The following KIF1A variants were observed in gnomAD, a reference collection of about 807,000 sequenced individuals.
KIF1A encodes the protein kinesin family member 1A.
In KIF1A, 46 loss-of-function variants were observed where a neutral mutation model predicts 227.3. The ratio of observed to expected loss-of-function variants is 0.20; its 90% confidence interval spans 0.16 to 0.26. The LOEUF is 0.26. Among genes scored for constraint, KIF1A ranks in the 10% least tolerant of loss-of-function variants. KIF1A has a pLI of 1.00. For missense variants in KIF1A, 1,683 were observed against 2,485.9 expected (o/e 0.68, Z 6.87); for synonymous variants, 1,022 against 1,012.8 (o/e 1.01, Z -0.17).
intron 14 of KIF1A, 30 bp from the exon 15 acceptor site, chr2:240,771,134 A>G (rs1338679629): frequency 1.5e-5 from 24 of 1,612,646 alleles, no homozygotes; most frequent in Middle Eastern, 1.6e-4. Flanking sequence ...GGCTTCATTC[A>G]CCGTCCCGCC....
chr2:240,731,914 G>A (rs1479232795), intron 38 of KIF1A, among the ~76,000 whole-genome samples: 19 of 119,174 alleles, frequency 1.6e-4, no homozygotes, highest in Admixed American at 5.6e-4. Context: ...GGGAGGAGGG[G>A]AGGAGGGGAG....
intron 6 of KIF1A, among the ~76,000 whole-genome samples, chr2:240,785,479 C>A (rs893000883): frequency 6.6e-6 from 1 of 152,200 alleles, no homozygotes. Context: ...CCCACACCCG[C>A]GGCTCTGGGA....
intron 38 of KIF1A, chr2:240,728,507 TAA>T: frequency 2.4e-6 from 2 of 830,560 alleles, no homozygotes; most frequent in African/African-American, 1.8e-5. Context: ...GCAGAAAACT[TAA>T]GAGTTCGGCA....
rs144345120 is a variant in KIF1A, at chr2:240,751,700, T to C, written c.2859-1153A>G. Among the ~76,000 whole-genome samples the C allele has an allele frequency of 4.5e-3, 687 of 152,226 alleles. 5 individuals carry two copies. The highest frequency in any genetic ancestry group is 0.015 in the African/African-American group (640 of 41,550). On this transcript the variant is annotated intron_variant, in intron 27 of 48. Transcript: ENST00000498729. Reference sequence around the variant, plus strand: ...CAGTCAGACACATCCCCCCATGCCCTTGGTGACACTCAAGCTCCTTGCAGG... The same window carrying C: ...CAGTCAGACACATCCCCCCATGCCCCTGGTGACACTCAAGCTCCTTGCAGG...
At chr2:240,807,390 G>A (rs753443855) in intron 1 of KIF1A, among the ~76,000 whole-genome samples, 3 of 151,988 alleles carry the variant, frequency 2.0e-5, no homozygotes, top group Non-Finnish European at 4.4e-5. Flanking sequence ...TGATCTGCCC[G>A]CGCTGGCCTC....
intron 27 of KIF1A, among the ~76,000 whole-genome samples, chr2:240,756,718 A>G (rs1348423341): frequency 6.6e-6 from 1 of 152,226 alleles, no homozygotes; most frequent in Non-Finnish European, 1.5e-5. Context: ...TCCCACTCCT[A>G]AAAGTGGCCT....
rs987489778 is a variant in KIF1A, at chr2:240,736,775, G to A, written c.4007+288C>T. 9.9e-5 allele frequency among the ~76,000 whole-genome samples: 15 copies of A among 152,148 alleles called. No individual in the cohort carries two copies. The highest frequency in any genetic ancestry group is 2.0e-4 in the Admixed American group (3 of 15,278). ...CACACCACGCAACCACAAAACTCCC[G>A]AGGACAGAACTCAGCTCATCTTCCA... On this transcript the variant is annotated intron_variant, in intron 38 of 48. Coordinates refer to ENST00000498729, the MANE Select transcript of KIF1A (RefSeq NM_001244008.2). The surrounding 1 kb of genome is among the most constrained non-coding windows in gnomAD (Gnocchi z 4.7).
rs951114676 is a variant in KIF1A at position 240,736,286 on chromosome 2, G to A, written c.4007+777C>T. On this transcript the variant is annotated intron_variant, in intron 38 of 48. Coordinates refer to ENST00000498729, the MANE Select transcript of KIF1A (RefSeq NM_001244008.2). The surrounding 1 kb of genome is among the most constrained non-coding windows in gnomAD (Gnocchi z 4.7). Reference sequence around the variant, plus strand: ...GGTCCACTCTGGGCTTGTGCATCATGAGCCAGGTCGAGCCCCCAGGGAGCA... The same window carrying A: ...GGTCCACTCTGGGCTTGTGCATCATAAGCCAGGTCGAGCCCCCAGGGAGCA... 2.0e-5 allele frequency among the ~76,000 whole-genome samples: 3 copies of A among 152,102 alleles called. No individual in the cohort carries two copies. Among genetic ancestry groups the A allele is most frequent in the African/African-American group, 7.2e-5 (3 of 41,430 alleles).
intron 1 of KIF1A, among the ~76,000 whole-genome samples, chr2:240,804,848 G>A (rs1416683145): frequency 6.6e-6 from 1 of 152,052 alleles, no homozygotes; most frequent in African/African-American, 2.4e-5. Flanking sequence ...ACCTAACAAA[G>A]CACATACAAA....
rs1481047493 is a variant in KIF1A at position 240,725,413 on chromosome 2, G to A, written c.4123-9C>T. 3.1e-6 allele frequency: 5 copies of A among 1,611,674 alleles called. No individual in the cohort carries two copies. The highest frequency in any genetic ancestry group is 4.2e-6 in the Non-Finnish European group (5 of 1,179,502). ...TGGGTGCAGTTCTCCATCTGAGATAGGCGGGAGCAGGACTCAGGCACAAGG... is the reference window on the plus strand; with the variant it reads ...TGGGTGCAGTTCTCCATCTGAGATAAGCGGGAGCAGGACTCAGGCACAAGG... On this transcript the variant is annotated splice_polypyrimidine_tract_variant and intron_variant, in intron 39 of 48. Coordinates refer to ENST00000498729, the MANE Select transcript of KIF1A (RefSeq NM_001244008.2). The surrounding 1 kb of genome is among the most constrained non-coding windows in gnomAD (Gnocchi z 5.8).
chr2:240,761,049 C>T (rs2050459231), intron 24 of KIF1A, among the ~76,000 whole-genome samples, 180 bp downstream of exon 24: 1 of 152,228 alleles, frequency 6.6e-6, no homozygotes, highest in African/African-American at 2.4e-5. Context: ...CAAGTCCCAC[C>T]TGGCCAGGTC....
intron 31 of KIF1A, 40 bp downstream of exon 31, chr2:240,745,698 C>G (rs780835761): frequency 1.3e-4 from 205 of 1,596,482 alleles, no homozygotes; most frequent in Non-Finnish European, 1.7e-4. Flanking sequence ...GGCACAGAGT[C>G]CCTGCGCAGC....
At chr2:240,755,650 T>C (rs1489793090) in intron 27 of KIF1A, among the ~76,000 whole-genome samples, 2 of 152,182 alleles carry the variant, frequency 1.3e-5, no homozygotes, top group Non-Finnish European at 2.9e-5. Flanking sequence ...AGGTCTCTCT[T>C]TGATGACTTT....
At chr2:240,772,515 C>T in intron 14 of KIF1A, 55 bp downstream of exon 14, 1 of 1,493,022 alleles carries the variant, frequency 6.7e-7, no homozygotes, top group Non-Finnish European at 9.1e-7. Flanking sequence ...CCTAGGCCCT[C>T]ATGCTGGCTG....
Position 240,746,109 on chromosome 2 carries a change from G to T in KIF1A, c.3132C>A (p.Ile1044=), listed in dbSNP as rs373045276. The part of the protein sequence containing the change: ...RSGTSQEELR[I]VEGQGQGADV... Reference sequence around the variant, plus strand: ...CTGCACCCTGGCCCTGGCCCTCCACGATGCGAAGCTCTTCCTGGGAGGTTC... The same window carrying T: ...CTGCACCCTGGCCCTGGCCCTCCACTATGCGAAGCTCTTCCTGGGAGGTTC... The change falls in exon 30 of 49, where the codon ATC becomes ATA. Residue 1044 remains isoleucine, a synonymous_variant. Coordinates refer to ENST00000498729, the MANE Select transcript of KIF1A (RefSeq NM_001244008.2). 2.6e-4 allele frequency: 408 copies of T among 1,583,062 alleles called. 1 individual carries two copies. Among genetic ancestry groups the T allele is most frequent in the Non-Finnish European group, 3.2e-4 (378 of 1,165,154 alleles).
chr2:240,806,130 A>C (rs1000306287), intron 1 of KIF1A, among the ~76,000 whole-genome samples: 6 of 152,236 alleles, frequency 3.9e-5, no homozygotes, highest in African/African-American at 7.2e-5. Context: ...TGATCACTCC[A>C]AATCTGCCTG....
chr2:240,820,608 C>G (rs1415887558), upstream of KIF1A, among the ~76,000 whole-genome samples: 1 of 151,434 alleles, frequency 6.6e-6, no homozygotes, highest in Non-Finnish European at 1.5e-5. The surrounding 1 kb of genome is among the most constrained non-coding windows in gnomAD (Gnocchi z 6.2). Context: ...TGGCCCCTTT[C>G]GAGTGAAATC....
intron 27 of KIF1A, among the ~76,000 whole-genome samples, chr2:240,755,668 T>A (rs1177123546): frequency 6.6e-6 from 1 of 152,160 alleles, no homozygotes; most frequent in East Asian, 1.9e-4. Context: ...TTTTGTTTGG[T>A]TTGGTAGTTT....
intron 18 of KIF1A, 30 bp downstream of exon 18, chr2:240,767,236 G>A (rs951917362): frequency 1.8e-5 from 28 of 1,577,264 alleles, no homozygotes; most frequent in East Asian, 4.5e-5. Flanking sequence ...GGCCTGGCCA[G>A]GCTGGAGTGG....
Sources: allele counts gnomAD v4.1 joint callset (sites outside exome capture counted in the v4.1 genomes callset), GRCh38; gene constraint gnomAD v4.1.1; non-coding constraint Gnocchi (gnomAD v3.1); transcripts MANE v1.5; gene names NCBI Gene and HGNC (gene_info 2026-07-23, HGNC 2026-07-21).